TANC1: variants seen among roughly 807,000 people sequenced by gnomAD.
TANC1 encodes the protein tetratricopeptide repeat, ankyrin repeat and coiled-coil containing 1.
TANC1 carries 77 observed loss-of-function variants against 149.7 expected under a neutral mutation model. That is an observed-to-expected ratio of 0.51 (90% CI 0.43 to 0.62). The LOEUF (loss-of-function observed/expected upper bound fraction) is 0.62. Among genes scored for constraint, TANC1 ranks in the 20% least tolerant of loss-of-function variants. TANC1 has a pLI of 0.00. For missense variants in TANC1, 1,985 were observed against 2,321.8 expected, an observed-to-expected ratio of 0.85 and a Z score of 2.98; for synonymous variants, 854 against 925.0, an observed-to-expected ratio of 0.92 and a Z score of 1.39.
intron 16 of TANC1, among the ~76,000 whole-genome samples, chr2:159,191,501 G>GC (rs1014638113): frequency 6.6e-6 from 1 of 152,098 alleles, no homozygotes; most frequent in Non-Finnish European, 1.5e-5. Flanking sequence ...CATGAGGCCG[G>GC]CCCTGCTTGG....
At chr2:159,032,217 G>A (rs960036733) in intron 2 of TANC1, among the ~76,000 whole-genome samples, 3 of 152,196 alleles carry the variant, frequency 2.0e-5, no homozygotes, top group Non-Finnish European at 4.4e-5. Flanking sequence ...AGATGGATGA[G>A]AATAATGAAT....
At chr2:159,185,654 C>T in intron 14 of TANC1, 137 bp from the exon 15 acceptor site, 1 of 628,740 alleles carries the variant, frequency 1.6e-6, no homozygotes, top group Non-Finnish European at 2.8e-6. Flanking sequence ...TCAGATGAGA[C>T]CCTTAGCCTC....
chr2:159,200,927 C>T (rs1454575521), intron 19 of TANC1, among the ~76,000 whole-genome samples: 1 of 152,206 alleles, frequency 6.6e-6, no homozygotes, highest in East Asian at 1.9e-4. Context: ...AACCTTCAGA[C>T]CACTTTGCAA....
At chr2:158,970,453 G>A (rs555368014) in intron 1 of TANC1, among the ~76,000 whole-genome samples, 1 of 152,106 alleles carries the variant, frequency 6.6e-6, no homozygotes, top group African/African-American at 2.4e-5. Context: ...TTTATGAGCG[G>A]CTGAGACTAC....
chr2:159,131,700 C>T (rs994947786), intron 4 of TANC1, among the ~76,000 whole-genome samples: 41 of 152,290 alleles, frequency 2.7e-4, no homozygotes, highest in African/African-American at 8.4e-4. Context: ...GGAGTGGAGG[C>T]AAACACGTAT....
chr2:159,050,916 A>G (rs982365594), intron 2 of TANC1, among the ~76,000 whole-genome samples: 5 of 152,248 alleles, frequency 3.3e-5, no homozygotes, highest in Non-Finnish European at 5.9e-5. Flanking sequence ...GTTTGTGAGA[A>G]GGCAAAAGAG....
chr2:159,008,801 AG>A (rs1244767824), intron 2 of TANC1, among the ~76,000 whole-genome samples: 2 of 152,186 alleles, frequency 1.3e-5, no homozygotes, highest in Non-Finnish European at 2.9e-5. Context: ...TACATCTTAG[AG>A]ACAAAGTATT....
At chr2:159,054,019 T>C (rs2041664219) in intron 2 of TANC1, among the ~76,000 whole-genome samples, 1 of 152,246 alleles carries the variant, frequency 6.6e-6, no homozygotes, top group Non-Finnish European at 1.5e-5. Context: ...CAGCATGGGA[T>C]GCTGCTCTAG....
intron 19 of TANC1, among the ~76,000 whole-genome samples, chr2:159,214,141 A>G (rs35701255): frequency 0.5 from 55,686 of 112,312 alleles, 13,865 homozygotes; most frequent in Non-Finnish European, 0.58. Context: ...AAAAAAAAAA[A>G]GGGGGAATTT....
chr2:159,011,440 G>T (rs563931341), intron 2 of TANC1, among the ~76,000 whole-genome samples: 98 of 152,162 alleles, frequency 6.4e-4, no homozygotes, highest in African/African-American at 2.3e-3. Flanking sequence ...GGCAATAAAT[G>T]GTAGGTCAGT....
chr2:159,063,251 A>AATTGG (rs2042396424), intron 2 of TANC1, among the ~76,000 whole-genome samples: 1 of 152,152 alleles, frequency 6.6e-6, no homozygotes, highest in Admixed American at 6.5e-5. Flanking sequence ...CCATTTCCAG[A>AATTGG]ATTGGATATA....
intron 7 of TANC1, among the ~76,000 whole-genome samples, chr2:159,157,699 G>A (rs1168762976): frequency 1.3e-5 from 2 of 152,178 alleles, no homozygotes; most frequent in East Asian, 1.9e-4. Flanking sequence ...TTTTATGAGC[G>A]GCCATTATGT....
At chr2:159,150,126 G>C in intron 6 of TANC1, 2 of 396,860 alleles carry the variant, frequency 5.0e-6, no homozygotes, top group East Asian at 4.1e-5. Flanking sequence ...TTAATAAAAA[G>C]GAAAATCACA....
intron 7 of TANC1, among the ~76,000 whole-genome samples, chr2:159,156,089 G>A (rs2150355322): frequency 6.6e-6 from 1 of 152,260 alleles, no homozygotes; most frequent in South Asian, 2.1e-4. Flanking sequence ...TTTTTGACTT[G>A]TTGTAAATCC....
At chr2:159,004,190 G>A in intron 2 of TANC1, 1 of 1,612,622 alleles carries the variant, frequency 6.2e-7, no homozygotes, top group Non-Finnish European at 8.5e-7. Flanking sequence ...GCCTTAGGAA[G>A]TTAGCTGAAC....
chr2:158,977,026 C>G (rs556696824), intron 1 of TANC1, among the ~76,000 whole-genome samples: 138 of 152,106 alleles, frequency 9.1e-4, no homozygotes, highest in Non-Finnish European at 1.7e-3. Context: ...TGTATACATA[C>G]CATTCATAAC....
intron 2 of TANC1, among the ~76,000 whole-genome samples, chr2:159,020,613 T>G (rs770198930): frequency 6.6e-6 from 1 of 152,262 alleles, no homozygotes; most frequent in Non-Finnish European, 1.5e-5. Context: ...CTTATTTTTT[T>G]AGTGTGAAGT....
Position 159,170,438 on chromosome 2 carries a change from AG to A in TANC1, c.1070-85del, listed in dbSNP as rs2055079217. On this transcript the variant is annotated intron_variant, in intron 9 of 26. Transcript: ENST00000263635. ...CTAGTGGGGGTAAAGCTAAGGATTT[AG>A]TGTAACACACAAGCAATAATATTTG... 6.4e-6 allele frequency: 8 copies of A among 1,247,870 alleles called. No homozygotes were observed. The Admixed American group carries it at 1.2e-4, about 19-fold the overall frequency. 77.3% of individuals were successfully genotyped at this position (1,247,870 alleles called of 1,614,324 possible).
chr2:159,091,967 G>A (rs1559242225), intron 3 of TANC1, among the ~76,000 whole-genome samples: 1 of 146,754 alleles, frequency 6.8e-6, no homozygotes, highest in Non-Finnish European at 1.5e-5. Context: ...AATATAGGGG[G>A]GGGTGTGTGT....
Sources: allele counts gnomAD v4.1 joint callset (sites outside exome capture counted in the v4.1 genomes callset), GRCh38; gene constraint gnomAD v4.1.1; transcripts MANE v1.5; gene names NCBI Gene and HGNC (gene_info 2026-07-23, HGNC 2026-07-21).